TOM1: variants seen among roughly 807,000 people sequenced by gnomAD.
TOM1 encodes the protein target of Myb protein 1.
TOM1 carries 38 observed loss-of-function variants against 61.3 expected under a neutral mutation model. The observed-to-expected ratio is 0.62, with a 90% CI of 0.48 to 0.81. TOM1 has a LOEUF of 0.81. Ranked by LOEUF, TOM1 falls within the 40% of genes least tolerant of loss-of-function variation. The pLI, the probability that TOM1 is intolerant of heterozygous loss-of-function variation, is 0.00. For missense variants in TOM1, 591 were observed against 659.6 expected (o/e 0.90, Z 1.14); for synonymous variants, 270 against 268.8 (o/e 1.00, Z -0.04).
chr22:35,343,767 A>G (rs1478706229), intron 12 of TOM1, among the ~76,000 whole-genome samples: 3 of 104,370 alleles, frequency 2.9e-5, no homozygotes, highest in Admixed American at 2.2e-4. Context: ...ACACCTACAC[A>G]TACACACCTA....
At chr22:35,322,631 TG>T (rs1419828048) in intron 3 of TOM1, 2 of 205,474 alleles carry the variant, frequency 9.7e-6, no homozygotes, top group African/African-American at 4.7e-5. Flanking sequence ...AAGTGGAGAG[TG>T]GGGAGGGAAG....
chr22:35,330,532 T>G (rs757104780), intron 8 of TOM1, 52 bp downstream of exon 8: 1 of 1,524,028 alleles, frequency 6.6e-7, no homozygotes. Context: ...ACCCTCTCCC[T>G]TCCCTTCCTC....
At chr22:35,340,830 A>G (rs1050521707) in intron 12 of TOM1, among the ~76,000 whole-genome samples, 4 of 152,178 alleles carry the variant, frequency 2.6e-5, no homozygotes, top group South Asian at 2.1e-4. Context: ...GTGACCCCCA[A>G]GGGCACTCTC....
chr22:35,315,598 C>T (rs1367589786), intron 1 of TOM1, among the ~76,000 whole-genome samples: 1 of 152,236 alleles, frequency 6.6e-6, no homozygotes, highest in Non-Finnish European at 1.5e-5. Context: ...TCCCCTCCTC[C>T]AGGCCTGATC....
intron 1 of TOM1, among the ~76,000 whole-genome samples, chr22:35,316,646 C>G (rs1018194074): frequency 1.3e-5 from 2 of 152,230 alleles, no homozygotes; most frequent in African/African-American, 2.4e-5. Context: ...AAATCTTACC[C>G]TAGGAACTGC....
chr22:35,343,552 C>T (rs1930180090), intron 12 of TOM1, among the ~76,000 whole-genome samples: 1 of 144,662 alleles, frequency 6.9e-6, no homozygotes, highest in Admixed American at 6.9e-5. Flanking sequence ...ACCCACCACA[C>T]ACACCTACAC....
intron 1 of TOM1, among the ~76,000 whole-genome samples, chr22:35,301,589 CT>C (rs1330980224): frequency 2.6e-5 from 4 of 152,206 alleles, no homozygotes; most frequent in Non-Finnish European, 4.4e-5. Context: ...ACTGGGAAAA[CT>C]TTAAGATGAG....
chr22:35,346,293 G>A (rs977971584), intron 13 of TOM1, among the ~76,000 whole-genome samples: 3 of 152,228 alleles, frequency 2.0e-5, no homozygotes, highest in Non-Finnish European at 2.9e-5. Flanking sequence ...GCCAGACTCA[G>A]CTTCTCCGTC....
At chr22:35,313,468 A>G (rs1380153315) in intron 1 of TOM1, among the ~76,000 whole-genome samples, 1 of 152,122 alleles carries the variant, frequency 6.6e-6, no homozygotes, top group Non-Finnish European at 1.5e-5. Flanking sequence ...TAGTCATTGT[A>G]GCTCGGTTAC....
intron 12 of TOM1, chr22:35,345,196 C>T (rs1452764236): frequency 6.0e-6 from 1 of 167,438 alleles, no homozygotes; most frequent in East Asian, 1.6e-4. Flanking sequence ...CGCCTCTGCT[C>T]TCAGGCCCTG....
chr22:35,343,313 C>CA (rs1930114914), intron 12 of TOM1, among the ~76,000 whole-genome samples: 1 of 149,776 alleles, frequency 6.7e-6, no homozygotes, highest in African/African-American at 2.5e-5. Context: ...CACCTACACA[C>CA]CCATACACCT....
At chr22:35,310,467 G>A (rs1926726461) in intron 1 of TOM1, among the ~76,000 whole-genome samples, 1 of 152,172 alleles carries the variant, frequency 6.6e-6, no homozygotes, top group African/African-American at 2.4e-5. Flanking sequence ...TGAGGCAGGT[G>A]AACTTCAACC....
Position 35,323,619 on chromosome 22 carries a change from A to C in TOM1, c.490A>C (p.Thr164Pro). ...TDLDMLSPIHTPQRTVFNSET... is the reference protein window; with the variant it reads ...TDLDMLSPIHPPQRTVFNSET... ...CCTGGACATGCTGTCACCCATCCAC[A>C]CACCCCAGAGGGTGAGAGAACTGCC... The change falls in exon 5 of 15, where the codon ACA becomes CCA. Residue 164 changes from threonine (T) to proline (P), a missense_variant. Physicochemically the swap from Thr to Pro is conservative, Grantham distance 38. Coordinates refer to ENST00000449058, the MANE Select transcript of TOM1 (RefSeq NM_005488.3). This position sits in a 1 kb window ranked among gnomAD's most constrained non-coding sequence, Gnocchi z 4.2. The C allele has an allele frequency of 6.2e-7, 1 of 1,614,020 alleles. No homozygotes were observed. The highest frequency in any genetic ancestry group is 8.5e-7 in the Non-Finnish European group (1 of 1,179,998).
chr22:35,312,032 A>T (rs1926872215), intron 1 of TOM1, among the ~76,000 whole-genome samples: 1 of 152,032 alleles, frequency 6.6e-6, no homozygotes, highest in Admixed American at 6.6e-5. Flanking sequence ...AGGCGGGTGG[A>T]TCACAAGGTC....
At chr22:35,305,607 C>T (rs1270895626) in intron 1 of TOM1, among the ~76,000 whole-genome samples, 1 of 151,426 alleles carries the variant, frequency 6.6e-6, no homozygotes, top group Non-Finnish European at 1.5e-5. Context: ...TTGCAGTGAG[C>T]CAAGATCACG....
intron 1 of TOM1, among the ~76,000 whole-genome samples, chr22:35,316,822 G>A (rs916836747): frequency 2.6e-5 from 4 of 152,190 alleles, no homozygotes; most frequent in Admixed American, 2.6e-4. Flanking sequence ...CTTGCTGAGT[G>A]TTTATTTTGG....
At chr22:35,334,571 T>C in intron 11 of TOM1, 123 bp downstream of exon 11, 1 of 1,212,602 alleles carries the variant, frequency 8.2e-7, no homozygotes, top group South Asian at 1.2e-5. Flanking sequence ...AAGCACGCCC[T>C]TAGTATCCCC....
chr22:35,324,370 A>C (rs1928123937), intron 6 of TOM1, among the ~76,000 whole-genome samples: 2 of 142,066 alleles, frequency 1.4e-5, no homozygotes, highest in Admixed American at 1.5e-4. Context: ...GCTTGAGCCC[A>C]GGAGTTTGAG....
chr22:35,316,544 C>G (rs1383770836), intron 1 of TOM1, among the ~76,000 whole-genome samples: 3 of 152,208 alleles, frequency 2.0e-5, no homozygotes, highest in Non-Finnish European at 4.4e-5. Context: ...GGCTGCCAAG[C>G]CCGGTGCTTG....
Sources: allele counts gnomAD v4.1 joint callset (sites outside exome capture counted in the v4.1 genomes callset), GRCh38; gene constraint gnomAD v4.1.1; non-coding constraint Gnocchi (gnomAD v3.1); transcripts MANE v1.5; gene names NCBI Gene and HGNC (gene_info 2026-07-23, HGNC 2026-07-21).